MS4A6A: variants seen among roughly 807,000 people sequenced by gnomAD.
MS4A6A encodes the protein membrane spanning 4-domains A6A, also known as membrane-spanning 4-domains subfamily A member 6A.
Under a neutral mutation model 20.6 loss-of-function variants are expected in MS4A6A, and 19 were observed. That is an observed-to-expected ratio of 0.92 (90% CI 0.64 to 1.36). The LOEUF (loss-of-function observed/expected upper bound fraction) is 1.36. MS4A6A is among the 40% of genes most tolerant of loss of function. MS4A6A has a pLI of 0.00. For missense variants in MS4A6A, 272 were observed against 261.1 expected (o/e 1.04, Z -0.29); for synonymous variants, 108 against 105.0 (o/e 1.03, Z -0.17).
chr11:60,181,450 C>T (rs1857128123), intron 2 of MS4A6A, 131 bp downstream of exon 2: 1 of 1,082,410 alleles, frequency 9.2e-7, no homozygotes, highest in Non-Finnish European at 1.3e-6. Flanking sequence ...CTCCAAGTGG[C>T]TTCTACCCTA....
At chr11:60,179,520 C>T in intron 3 of MS4A6A, 2 of 582,174 alleles carry the variant, frequency 3.4e-6, no homozygotes, top group Non-Finnish European at 6.1e-6. Flanking sequence ...ATGTTCCTTC[C>T]CAACTTTATC....
chr11:60,173,734 CT>C (rs200610699), intron 5 of MS4A6A, among the ~76,000 whole-genome samples: 3 of 149,202 alleles, frequency 2.0e-5, no homozygotes, highest in Non-Finnish European at 3.0e-5. Flanking sequence ...TCTTTTTTTT[CT>C]TTTTTTTGGG....
chr11:60,181,473 C>T, intron 2 of MS4A6A, 108 bp downstream of exon 2: 2 of 1,431,170 alleles, frequency 1.4e-6, no homozygotes, highest in Non-Finnish European at 1.9e-6. Flanking sequence ...GTCCCTCTAG[C>T]AAAATTTTAG....
At chr11:60,175,377 G>A in intron 5 of MS4A6A, 25 bp downstream of exon 5, 2 of 1,552,220 alleles carry the variant, frequency 1.3e-6, no homozygotes, top group Non-Finnish European at 1.8e-6. Context: ...CATAAGATTA[G>A]AACATCCCAT....
At chr11:60,172,222 C>G (rs1421281914), downstream of MS4A6A, 1 of 1,613,296 alleles carries the variant, frequency 6.2e-7, no homozygotes, top group East Asian at 2.2e-5. Context: ...GCCAGAATTA[C>G]CAATGTAACT....
At chr11:60,172,314 T>C (rs373734278), downstream of MS4A6A, 15 of 1,587,052 alleles carry the variant, frequency 9.5e-6, no homozygotes, top group Admixed American at 1.4e-4. Flanking sequence ...TAGATGTATA[T>C]ATGCCATTTT....
At chr11:60,171,794 G>C (rs1055106546), downstream of MS4A6A, among the ~76,000 whole-genome samples, 1 of 152,152 alleles carries the variant, frequency 6.6e-6, no homozygotes, top group Admixed American at 6.5e-5. Context: ...ACAATAAAAA[G>C]TTGTGTCCTT....
intron 2 of MS4A6A, chr11:60,180,687 T>G: frequency 4.8e-6 from 1 of 207,790 alleles, no homozygotes; most frequent in Non-Finnish European, 9.8e-6. Context: ...CATTGTTCTG[T>G]TCTACGTGTC....
At chr11:60,172,054 A>G, downstream of MS4A6A, 1 of 1,128,644 alleles carries the variant, frequency 8.9e-7, no homozygotes, top group Non-Finnish European at 1.3e-6. Context: ...TCATTACTTT[A>G]AAAGCTTACA....
rs1442088653 is a variant in MS4A6A at position 60,182,971 on chromosome 11, T to A, written c.-15+7A>T. On this transcript the variant is annotated splice_region_variant and intron_variant, in intron 1 of 5. Transcript: ENST00000528851. ...TGAGATGAGAAAAGTCTTCCAGCAT[T>A]ACCTACCTGTGCCCGTTGGTTCCAG... 1 of 1,366,986 alleles carries A rather than the reference T, an allele frequency of 7.3e-7. No homozygotes were observed. The highest frequency in any genetic ancestry group is 1.5e-5 in the African/African-American group (1 of 66,774). 84.7% of individuals were successfully genotyped at this position (1,366,986 alleles called of 1,614,324 possible). A position where few individuals can be genotyped will look rare whatever the true frequency, so the allele number is the denominator to read the frequency against.
Position 60,179,446 on chromosome 11 carries a change from C to G in MS4A6A, c.282+385G>C, listed in dbSNP as rs547948247. 1.3e-3 allele frequency: 670 copies of G among 530,956 alleles called. 4 individuals are homozygous for G. Among genetic ancestry groups the G allele is most frequent in the African/African-American group, 0.012 (626 of 52,306 alleles). 32.9% of individuals were successfully genotyped at this position (530,956 alleles called of 1,614,324 possible). A position where few individuals can be genotyped will look rare whatever the true frequency, so the allele number is the denominator to read the frequency against. On this transcript the variant is annotated intron_variant, in intron 3 of 5. Coordinates refer to ENST00000528851, the MANE Select transcript of MS4A6A (RefSeq NM_022349.4). ...ATCCCCACAAGCATGGGGGGGATAA[C>G]AGTGTGGTTTCTCTGTGAGTGTGTG...
Position 60,179,955 on chromosome 11 carries a change from A to G in MS4A6A, c.158T>C (p.Ile53Thr), listed in dbSNP as rs747966380. The G allele has an allele frequency of 1.2e-6, 2 of 1,613,956 alleles. No homozygotes were observed. Among genetic ancestry groups the G allele is most frequent in the Non-Finnish European group, 1.7e-6 (2 of 1,179,910 alleles). The change falls in exon 3 of 6, where the codon ATC becomes ACC. Residue 53 changes from isoleucine to threonine, a missense_variant. Coordinates refer to ENST00000528851, the MANE Select transcript of MS4A6A (RefSeq NM_022349.4). ...GCTCAATACCATCATGCCACACAAG[A>G]TCTGGATAGTCTGTGGGAAGAGAAA... ...AEIKVIGTIQ[I>T]LCGMMVLSLG...
At chr11:60,176,674 G>T (rs918637417) in intron 4 of MS4A6A, among the ~76,000 whole-genome samples, 2 of 152,240 alleles carry the variant, frequency 1.3e-5, no homozygotes, top group South Asian at 2.1e-4. Context: ...AATGACTGAA[G>T]TGTACACTCC....
intron 2 of MS4A6A, 154 bp from the exon 3 acceptor site, chr11:60,180,119 A>G: frequency 2.7e-6 from 2 of 740,670 alleles, no homozygotes; most frequent in Non-Finnish European, 4.4e-6. Context: ...GAAATATGAA[A>G]AGACATCCTG....
chr11:60,176,548 G>A (rs1390376782), intron 4 of MS4A6A, among the ~76,000 whole-genome samples: 1 of 152,076 alleles, frequency 6.6e-6, no homozygotes, highest in African/African-American at 2.4e-5. Flanking sequence ...TTACAGGTAG[G>A]TAGGCTCCAG....
chr11:60,182,527 T>C (rs1313383819), intron 1 of MS4A6A: 1 of 152,266 alleles, frequency 6.6e-6, no homozygotes, highest in East Asian at 1.9e-4. Flanking sequence ...CTGAGTTTAC[T>C]CAGGCTGGAG....
downstream of MS4A6A, chr11:60,171,945 C>T (rs1856603540): frequency 4.9e-6 from 2 of 409,616 alleles, no homozygotes; most frequent in Non-Finnish European, 8.7e-6. Flanking sequence ...TGGTAATTTA[C>T]AGCCCCGTGC....
rs768815648 is a variant in MS4A6A at position 60,173,103 on chromosome 11, G to T, written c.576C>A (p.Cys192Ter). 6.2e-7 allele frequency: 1 copy of T among 1,613,980 alleles called. No individual in the cohort carries two copies. Among genetic ancestry groups the T allele is most frequent in the Non-Finnish European group, 8.5e-7 (1 of 1,179,904 alleles). The part of the protein sequence containing the change: ...LAGTLSLMLI[C>*]TLLEFCLAVL... ...CAGCTAGGCAGAATTCCAGCAGAGTGCAAATCAGCATCAGAGAGAGAGTTC... is the reference window on the plus strand; with the variant it reads ...CAGCTAGGCAGAATTCCAGCAGAGTTCAAATCAGCATCAGAGAGAGAGTTC... Residue 192 changes from cysteine to a stop codon, truncating the protein, a stop_gained, in exon 6 of 6, where the codon TGC (cysteine) becomes TGA (stop). Transcript: ENST00000528851. LOFTEE classifies it high-confidence loss of function.
intron 2 of MS4A6A, chr11:60,181,201 T>C (rs1490759629): frequency 2.7e-6 from 1 of 375,758 alleles, no homozygotes; most frequent in African/African-American, 2.1e-5. Context: ...TAATTTGCAG[T>C]GAGGGAAAAA....
Sources: allele counts gnomAD v4.1 joint callset (sites outside exome capture counted in the v4.1 genomes callset), GRCh38; gene constraint gnomAD v4.1.1; transcripts MANE v1.5; gene names NCBI Gene and HGNC (gene_info 2026-07-23, HGNC 2026-07-21).